The following KNG1 variants were observed in gnomAD, a reference collection of about 807,000 sequenced individuals.
KNG1 encodes kininogen-1.
In KNG1, 23 loss-of-function variants were observed where a neutral mutation model predicts 47.8. The ratio of observed to expected loss-of-function variants is 0.48; its 90% confidence interval spans 0.35 to 0.68. The LOEUF (loss-of-function observed/expected upper bound fraction) is 0.68. Ranked by LOEUF, KNG1 falls within the 30% of genes least tolerant of loss-of-function variation. The probability of loss-of-function intolerance (pLI) is 0.01; values close to 1 mark genes in which losing one functional copy is unlikely to be tolerated. For missense variants in KNG1, 762 were observed against 790.2 expected (o/e 0.96, Z 0.43); for synonymous variants, 277 against 277.0 (o/e 1.00, Z 0.00).
intron 3 of KNG1, among the ~76,000 whole-genome samples, chr3:186,724,597 G>T (rs1029071713): frequency 6.6e-6 from 1 of 151,982 alleles, no homozygotes; most frequent in Admixed American, 6.6e-5. Context: ...TTTTTAATGG[G>T]ATTACTTGGT....
intron 3 of KNG1, among the ~76,000 whole-genome samples, chr3:186,724,137 A>T (rs891780782): frequency 6.6e-6 from 1 of 152,068 alleles, no homozygotes; most frequent in African/African-American, 2.4e-5. Flanking sequence ...TGGTGTTTTC[A>T]TTTTTTGAGG....
chr3:186,732,053 T>A (rs1346591335), intron 6 of KNG1, among the ~76,000 whole-genome samples: 1 of 152,186 alleles, frequency 6.6e-6, no homozygotes, highest in Non-Finnish European at 1.5e-5. Flanking sequence ...TAGTGTGAGT[T>A]TGTGGTCAGG....
chr3:186,727,016 GTGTA>G (rs1157106105), intron 4 of KNG1, among the ~76,000 whole-genome samples: 1 of 78,366 alleles, frequency 1.3e-5, no homozygotes, highest in Non-Finnish European at 2.9e-5. Context: ...ATGGCTAGCG[GTGTA>G]TGTGTGTGTG....
chr3:186,731,147 T>C (rs1421786591), intron 5 of KNG1, among the ~76,000 whole-genome samples: 2 of 152,240 alleles, frequency 1.3e-5, no homozygotes, highest in African/African-American at 2.4e-5. Context: ...TTTATATTTG[T>C]CTCACGTAGC....
At chr3:186,719,113 CAT>C (rs1188672131) in intron 1 of KNG1, among the ~76,000 whole-genome samples, 2 of 151,954 alleles carry the variant, frequency 1.3e-5, no homozygotes, top group Non-Finnish European at 2.9e-5. Context: ...CTAGTACAGT[CAT>C]GTGAGAAATT....
chr3:186,731,564 A>G lies in KNG1; in HGVS notation c.692A>G (p.Asp231Gly). The change falls in exon 6 of 10, where the codon GAT becomes GGT. Residue 231 changes from aspartate (D) to glycine (G), a missense_variant. Coordinates refer to ENST00000644859, the MANE Select transcript of KNG1 (RefSeq NM_001102416.3). ...AACCAGGATACCGGTGAATGTACAG[A>G]TAATGCATACATCGATATTCAGCTA... ...LWNGDTGECTDNAYIDIQLRI... is the reference protein window; with the variant it reads ...LWNGDTGECTGNAYIDIQLRI... The G allele has an allele frequency of 6.2e-7, 1 of 1,609,848 alleles. No individual in the cohort carries two copies. The highest frequency in any genetic ancestry group is 2.2e-5 in the East Asian group (1 of 44,874).
intron 7 of KNG1, among the ~76,000 whole-genome samples, chr3:186,733,503 A>C (rs1426092288): frequency 1.3e-5 from 2 of 151,998 alleles, no homozygotes; most frequent in Non-Finnish European, 2.9e-5. Context: ...CTGGGGATTC[A>C]TCTCTCCTTT....
chr3:186,738,131 C>T (rs1170351727), intron 7 of KNG1, among the ~76,000 whole-genome samples: 2 of 152,000 alleles, frequency 1.3e-5, no homozygotes, highest in Non-Finnish European at 2.9e-5. Context: ...GTGTGCATCA[C>T]AAAGCCCATC....
intron 7 of KNG1, among the ~76,000 whole-genome samples, chr3:186,737,689 C>T (rs5030111): frequency 0.14 from 20,924 of 151,252 alleles, 1,802 homozygotes; most frequent in Non-Finnish European, 0.19. Flanking sequence ...CCCAAGTAGC[C>T]GGGATTAGAG....
rs1329531250 is a variant in KNG1 at position 186,726,278 on chromosome 3, T to C, written c.565-959T>C. On this transcript the variant is annotated intron_variant, in intron 4 of 9. Coordinates refer to ENST00000644859, the MANE Select transcript of KNG1 (RefSeq NM_001102416.3). ...CAGTACACCCAGACTTTTCTTCTTT[T>C]TTTTTTTTTTTTTTTTGTTTTTTGA... Among the ~76,000 whole-genome samples, 49 of 90,988 alleles carry C rather than the reference T, an allele frequency of 5.4e-4. No homozygotes were observed. In the East Asian group the frequency reaches 0.012, roughly 22 times the overall value. The allele number at this position is 90,988 out of a possible 152,430, so 59.7% of individuals were successfully genotyped here.
In KNG1 at chr3:186,739,007, A is replaced by T. The variant is rs1720736297; in HGVS notation, c.931-92A>T. The stretch of plus-strand genomic sequence containing the variant: ...TAACTCTCTAAGTTGGTCAATTAAA[A>T]TTTCAAGATTCTCCCTTAACATTTC... On this transcript the variant is annotated intron_variant, in intron 7 of 9. Transcript: ENST00000644859. 5.4e-6 allele frequency: 6 copies of T among 1,111,836 alleles called. No individual in the cohort carries two copies. In the South Asian group the frequency reaches 8.2e-5, roughly 15 times the overall value. The allele number at this position is 1,111,836 out of a possible 1,614,324, so 68.9% of individuals were successfully genotyped here. A position where few individuals can be genotyped will look rare whatever the true frequency, so the allele number is the denominator to read the frequency against.
chr3:186,731,659 T>C (rs746399367), intron 6 of KNG1, 30 bp downstream of exon 6: 6 of 1,356,398 alleles, frequency 4.4e-6, no homozygotes, highest in South Asian at 1.2e-5. Context: ...GGCACCGCAA[T>C]AGAGGAATAG....
chr3:186,727,223 T>C lies in KNG1; in HGVS notation c.565-14T>C, dbSNP rs775393103. ...TAAACTGCCCTTTAAATATTCAATC[T>C]GAAATTGTTTCAGGTGGTGGCTGGA... is the stretch of plus-strand genomic sequence containing the variant. On this transcript the variant is annotated splice_polypyrimidine_tract_variant and intron_variant, in intron 4 of 9. Coordinates refer to ENST00000644859, the MANE Select transcript of KNG1 (RefSeq NM_001102416.3). 1.3e-6 allele frequency: 2 copies of C among 1,561,592 alleles called. No homozygotes were observed. Among genetic ancestry groups the C allele is most frequent in the Non-Finnish European group, 1.8e-6 (2 of 1,132,230 alleles).
In KNG1 at chr3:186,732,355, C is replaced by G. The variant is rs139025383; in HGVS notation, c.758-147C>G. The G allele has an allele frequency of 2.0e-4, 141 of 717,374 alleles. 1 individual carries two copies. The East Asian group carries it at 3.5e-3, about 18-fold the overall frequency. 44.4% of individuals were successfully genotyped at this position (717,374 alleles called of 1,614,324 possible). On this transcript the variant is annotated intron_variant, in intron 6 of 9. Transcript: ENST00000644859. ...AAGAAGAGAGGCAGGAAGTGAAAGT[C>G]AGACAGACAACCTTCCCCCACTCAC...
intron 3 of KNG1, among the ~76,000 whole-genome samples, chr3:186,723,459 C>CA: frequency 1.3e-5 from 2 of 152,220 alleles, no homozygotes; most frequent in Middle Eastern, 3.4e-3. Context: ...CTGTCATTCT[C>CA]TTCTCTTCTC....
At chr3:186,728,196 C>T (rs5030029) in intron 5 of KNG1, among the ~76,000 whole-genome samples, 184 of 152,216 alleles carry the variant, frequency 1.2e-3, no homozygotes, top group African/African-American at 4.3e-3. Flanking sequence ...GTAGTAGTAG[C>T]TAGCGAATGT....
chr3:186,720,668 T>C (rs1459775629), intron 2 of KNG1: 2 of 187,834 alleles, frequency 1.1e-5, no homozygotes, highest in African/African-American at 4.7e-5. Context: ...ATTGACCTCA[T>C]CAGGTTGTTG....
At chr3:186,730,885 A>G (rs1193689879) in intron 5 of KNG1, among the ~76,000 whole-genome samples, 1 of 151,240 alleles carries the variant, frequency 6.6e-6, no homozygotes, top group Admixed American at 6.6e-5. Flanking sequence ...CAAATCTTCT[A>G]TGTTCTTGTT....
At chr3:186,730,729 CATATATATATACACAT>C (rs1192625682) in intron 5 of KNG1, among the ~76,000 whole-genome samples, 3 of 46,756 alleles carry the variant, frequency 6.4e-5, no homozygotes, top group African/African-American at 2.2e-4. Flanking sequence ...CACACACACA[CATATATATATACACAT>C]ATATATATAC....
Sources: gnomAD v4.1 joint callset for allele counts (sites outside exome capture counted in the v4.1 genomes callset) on GRCh38, gnomAD v4.1.1 for gene constraint, MANE v1.5 for transcripts, NCBI Gene and HGNC (gene_info 2026-07-23, HGNC 2026-07-21) for gene names.